Variants in DPYD observed in about 807,000 individuals in gnomAD.
The protein encoded by DPYD is dihydropyrimidine dehydrogenase.
A neutral mutation model predicts 116.2 loss-of-function variants in DPYD; 109 were observed. That is an observed-to-expected ratio of 0.94 (90% CI 0.80 to 1.10). The LOEUF (loss-of-function observed/expected upper bound fraction) is 1.10, where lower values mean the gene tolerates loss of function less well. DPYD is among the 50% of genes least tolerant of loss of function. The pLI is 0.00. For missense variants in DPYD, 1,302 were observed against 1,254.5 expected, an observed-to-expected ratio of 1.04 and a Z score of -0.57; for synonymous variants, 440 against 432.0, an observed-to-expected ratio of 1.02 and a Z score of -0.23.
intron 20 of DPYD, among the ~76,000 whole-genome samples, chr1:97,147,753 A>G (rs531614397): frequency 3.9e-5 from 6 of 152,180 alleles, no homozygotes; most frequent in South Asian, 2.1e-4. Flanking sequence ...CCATCAGTCC[A>G]TCTTATTTTC....
At chr1:97,810,467 CAA>C (rs1668300830) in intron 3 of DPYD, among the ~76,000 whole-genome samples, 2 of 151,880 alleles carry the variant, frequency 1.3e-5, no homozygotes, top group African/African-American at 4.8e-5. Context: ...TTGATATTGT[CAA>C]ATAAACCTGC....
chr1:97,213,133 C>T (rs376822828), intron 19 of DPYD, among the ~76,000 whole-genome samples: 19 of 152,216 alleles, frequency 1.2e-4, no homozygotes, highest in South Asian at 1.0e-3. Context: ...AAGGGCACCA[C>T]CCTCTGACCT....
At chr1:97,520,858 C>A (rs1157232544) in intron 12 of DPYD, among the ~76,000 whole-genome samples, 1 of 152,152 alleles carries the variant, frequency 6.6e-6, no homozygotes, top group African/African-American at 2.4e-5. Context: ...GCCACATTTT[C>A]TTTATCTAGT....
chr1:97,692,035 C>T lies in DPYD; in HGVS notation c.681-237G>A, dbSNP rs2786511. On this transcript the variant is annotated intron_variant, in intron 6 of 22. Transcript: ENST00000370192. ...TATAAAAATAACTAAATTACAGCAA[C>T]AGAAAATGATAAATATAAAACTGGC... is the stretch of plus-strand genomic sequence containing the variant. 1 allele frequency among the ~76,000 whole-genome samples: 151,834 copies of T among 152,244 alleles called. 75,713 individuals carry two copies. Among genetic ancestry groups the T allele is most frequent in the Middle Eastern group, 1 (292 of 292 alleles).
At chr1:97,783,319 A>G (rs1178611534) in intron 3 of DPYD, among the ~76,000 whole-genome samples, 1 of 152,158 alleles carries the variant, frequency 6.6e-6, no homozygotes. Context: ...GCAAGTAGGG[A>G]CTGCTTTCCC....
intron 14 of DPYD, among the ~76,000 whole-genome samples, chr1:97,420,979 A>C (rs766468351): frequency 6.6e-6 from 1 of 152,136 alleles, no homozygotes; most frequent in Non-Finnish European, 1.5e-5. Flanking sequence ...TTCCCCCTTG[A>C]GATTGTGAGC....
At chr1:97,586,769 C>A (rs1654156465) in intron 10 of DPYD, among the ~76,000 whole-genome samples, 1 of 151,536 alleles carries the variant, frequency 6.6e-6, no homozygotes, top group African/African-American at 2.4e-5. Flanking sequence ...GACAATTTCA[C>A]CTGTCAGTTT....
intron 20 of DPYD, among the ~76,000 whole-genome samples, chr1:97,142,235 C>T (rs1262923916): frequency 1.3e-5 from 2 of 152,136 alleles, no homozygotes; most frequent in Non-Finnish European, 2.9e-5. Context: ...TGCAAATAAT[C>T]ATATTGTACA....
chr1:97,221,072 A>G (rs747101851), intron 19 of DPYD, among the ~76,000 whole-genome samples: 1 of 152,218 alleles, frequency 6.6e-6, no homozygotes, highest in Non-Finnish European at 1.5e-5. Context: ...ATTCAAAATA[A>G]TTTTGGAAAC....
intron 13 of DPYD, among the ~76,000 whole-genome samples, chr1:97,464,561 G>GCCCAAGCAA (rs1553179531): frequency 6.6e-6 from 1 of 152,100 alleles, no homozygotes; most frequent in Non-Finnish European, 1.5e-5. Context: ...CGTGTCCTGT[G>GCCCAAGCAA]CCCCAGCAAC....
At chr1:97,702,599 T>C (rs1661657911) in intron 5 of DPYD, among the ~76,000 whole-genome samples, 1 of 151,910 alleles carries the variant, frequency 6.6e-6, no homozygotes, top group Non-Finnish European at 1.5e-5. Context: ...GATTTAAATG[T>C]ACTAAGGCTA....
chr1:97,810,894 G>T (rs1668319719), intron 3 of DPYD, among the ~76,000 whole-genome samples: 1 of 152,068 alleles, frequency 6.6e-6, no homozygotes, highest in Non-Finnish European at 1.5e-5. Flanking sequence ...TCTCAATGGG[G>T]TTTCCCAAGG....
Position 97,181,772 on chromosome 1 carries a change from T to C in DPYD, c.2622+11297A>G, listed in dbSNP as rs377606129. Among the ~76,000 whole-genome samples the C allele has an allele frequency of 3.3e-4, 51 of 152,276 alleles. 1 individual carries two copies. Among genetic ancestry groups the C allele is most frequent in the African/African-American group, 1.2e-3 (48 of 41,572 alleles). On this transcript the variant is annotated intron_variant, in intron 20 of 22. Coordinates refer to ENST00000370192, the MANE Select transcript of DPYD (RefSeq NM_000110.4). ...TGGATATATCACATATTCAGTATTA[T>C]CCCAAATTGCCTATCTATCTATGCC...
intron 5 of DPYD, among the ~76,000 whole-genome samples, chr1:97,705,440 A>G (rs956637845): frequency 2.4e-4 from 37 of 152,068 alleles, no homozygotes; most frequent in Non-Finnish European, 1.6e-4. Context: ...AGCTTCATCC[A>G]TGTCCCTACA....
chr1:97,591,730 T>C (rs1199379610), intron 10 of DPYD, among the ~76,000 whole-genome samples: 1 of 152,170 alleles, frequency 6.6e-6, no homozygotes. Context: ...ATCAGAAGGA[T>C]AAGACTTAAT....
intron 4 of DPYD, 95 bp from the exon 5 acceptor site, chr1:97,721,766 G>T: frequency 8.3e-7 from 1 of 1,211,938 alleles, no homozygotes; most frequent in Non-Finnish European, 1.2e-6. Context: ...TAGGTAATCA[G>T]ATTGAAGATA....
chr1:97,382,428 T>C lies in DPYD; in HGVS notation c.1939A>G (p.Lys647Glu). The change falls in exon 15 of 23, where the codon AAA (lysine) becomes GAA (glutamate). Residue 647 changes from lysine to glutamate, a missense_variant. Coordinates refer to ENST00000370192, the MANE Select transcript of DPYD (RefSeq NM_000110.4). The part of the protein sequence containing the change: ...VIASIMCSYN[K>E]NDWTELAKKS... Reference sequence around the variant, plus strand: ...TTGGCAAGTTCCGTCCAGTCATTTTTATTGTAACTGCACATAATGCTAGCA... The same window carrying C: ...TTGGCAAGTTCCGTCCAGTCATTTTCATTGTAACTGCACATAATGCTAGCA... 2 of 1,599,458 alleles carry C rather than the reference T, an allele frequency of 1.3e-6. No homozygotes were observed. The highest frequency in any genetic ancestry group is 1.7e-6 in the Non-Finnish European group (2 of 1,172,552).
At chr1:97,805,753 A>C (rs1668051297) in intron 3 of DPYD, among the ~76,000 whole-genome samples, 1 of 151,750 alleles carries the variant, frequency 6.6e-6, no homozygotes, top group African/African-American at 2.4e-5. Context: ...GCTAAGGAGA[A>C]ATCAGCAAAA....
At chr1:97,744,015 T>C (rs1664407827) in intron 3 of DPYD, among the ~76,000 whole-genome samples, 1 of 152,096 alleles carries the variant, frequency 6.6e-6, no homozygotes. Flanking sequence ...GCATACACTT[T>C]TTAAATTTTC....
Sources: gnomAD v4.1 joint callset for allele counts (sites outside exome capture counted in the v4.1 genomes callset) on GRCh38, gnomAD v4.1.1 for gene constraint, MANE v1.5 for transcripts, NCBI Gene and HGNC (gene_info 2026-07-23, HGNC 2026-07-21) for gene names.